Variants in TCF3 observed in about 807,000 individuals in gnomAD.
The protein encoded by TCF3 is transcription factor 3, also known as transcription factor E2-alpha.
TCF3 carries 54 observed loss-of-function variants against 72.3 expected under a neutral mutation model. The observed-to-expected ratio is 0.75, with a 90% CI of 0.60 to 0.94. TCF3 has a LOEUF of 0.94. Among genes scored for constraint, TCF3 ranks in the 40% least tolerant of loss-of-function variants. The pLI is 0.00. For synonymous variants in TCF3, 525 were observed against 412.6 expected, an observed-to-expected ratio of 1.27 and a Z score of -3.30; for missense variants, 1,078 against 934.4, an observed-to-expected ratio of 1.15 and a Z score of -2.00.
intron 3 of TCF3, among the ~76,000 whole-genome samples, chr19:1,643,257 G>A (rs1483720625): frequency 1.3e-5 from 2 of 152,214 alleles, no homozygotes; most frequent in South Asian, 2.1e-4. Context: ...GTCTGGCTCT[G>A]TCACCCAGGC....
At chr19:1,612,670 G>A (rs2145750449) in intron 18 of TCF3, among the ~76,000 whole-genome samples, 1 of 151,892 alleles carries the variant, frequency 6.6e-6, no homozygotes, top group African/African-American at 2.4e-5. Flanking sequence ...CAGCAGTGCA[G>A]GTACACGGCT....
At chr19:1,622,702 T>A (rs2062397178) in intron 8 of TCF3, among the ~76,000 whole-genome samples, 1 of 152,066 alleles carries the variant, frequency 6.6e-6, no homozygotes, top group Non-Finnish European at 1.5e-5. Context: ...TACTAAACCT[T>A]TTTCCTCCTT....
intron 2 of TCF3, 34 bp from the exon 3 acceptor site, chr19:1,646,461 G>C (rs1443401234): frequency 6.5e-7 from 1 of 1,540,276 alleles, no homozygotes. Context: ...TGAGCGGGGC[G>C]GGTGGCAAAC....
intron 16 of TCF3, among the ~76,000 whole-genome samples, chr19:1,616,283 G>A (rs981368744): frequency 1.3e-5 from 2 of 151,912 alleles, no homozygotes; most frequent in Admixed American, 6.6e-5. Flanking sequence ...GACCATCCTG[G>A]CTAACATGGT....
chr19:1,621,304 G>A (rs1430159170), intron 11 of TCF3, 113 bp from the exon 12 acceptor site: 6 of 1,286,482 alleles, frequency 4.7e-6, no homozygotes, highest in East Asian at 5.4e-5. Flanking sequence ...AGGGAGAGCA[G>A]CCTGACTCGG....
At chr19:1,651,404 TCCCC>T (rs2067021881) in intron 1 of TCF3, 2 of 227,166 alleles carry the variant, frequency 8.8e-6, no homozygotes. Context: ...GCGCAGCCCC[TCCCC>T]CGCTCAGTTT....
chr19:1,626,281 T>C (rs544511010), intron 6 of TCF3, among the ~76,000 whole-genome samples: 3 of 152,132 alleles, frequency 2.0e-5, no homozygotes, highest in South Asian at 4.1e-4. Flanking sequence ...AGAAACTCCG[T>C]CTCTACAAAG....
chr19:1,618,342 G>C (rs1205348130), intron 16 of TCF3, among the ~76,000 whole-genome samples: 6 of 152,054 alleles, frequency 3.9e-5, no homozygotes. Context: ...TGGTCTCCCG[G>C]TGCCACTCAT....
intron 8 of TCF3, 107 bp downstream of exon 8, chr19:1,623,844 C>G (rs1207455776): frequency 1.9e-5 from 22 of 1,130,888 alleles, no homozygotes; most frequent in Middle Eastern, 2.6e-4. Context: ...GGGGGCCTGT[C>G]CACTCAGGGC....
At position 1,619,328 on chromosome 19, in the gene TCF3, C is replaced by A. The variant is rs766514154; in HGVS notation, c.1314G>T (p.Arg438=). The A allele has an allele frequency of 1.3e-6, 2 of 1,574,564 alleles. No homozygotes were observed. Among genetic ancestry groups the A allele is most frequent in the Non-Finnish European group, 8.6e-7 (1 of 1,165,952 alleles). Residue 438 remains arginine (R), a synonymous_variant, in exon 15 of 19, where the codon CGG becomes CGT. Transcript: ENST00000262965. ...GCCCAGCGCTCACCAGGCCTGCGTGCCGCCCGCCCAGTGACATGGGGCCGG... is the reference window on the plus strand; with the variant it reads ...GCCCAGCGCTCACCAGGCCTGCGTGACGCCCGCCCAGTGACATGGGGCCGG... The part of the protein sequence containing the change: ...GFTGPMSLGG[R]HAGLVGGSHP...
chr19:1,619,759 T>TGGGGTGGGGC (rs761824274), intron 14 of TCF3, 21 bp downstream of exon 14: 91 of 484,074 alleles, frequency 1.9e-4, no homozygotes, highest in Non-Finnish European at 2.2e-4. Flanking sequence ...AAGGGTGGGG[T>TGGGGTGGGGC]GGGGCGGGGC....
chr19:1,638,375 G>C (rs1320054955), intron 3 of TCF3, among the ~76,000 whole-genome samples: 1 of 151,360 alleles, frequency 6.6e-6, no homozygotes, highest in Non-Finnish European at 1.5e-5. Context: ...TGTTTTTTTT[G>C]TTTGTTTGTT....
chr19:1,645,758 G>A (rs898667582), intron 3 of TCF3, among the ~76,000 whole-genome samples: 1 of 152,188 alleles, frequency 6.6e-6, no homozygotes, highest in African/African-American at 2.4e-5. Flanking sequence ...TGTGTCATCA[G>A]CGAGGGTGAC....
At chr19:1,619,949 C>T (rs1198119114) in intron 13 of TCF3, 96 bp from the exon 14 acceptor site, 2 of 1,129,750 alleles carry the variant, frequency 1.8e-6, no homozygotes, top group East Asian at 2.6e-5. Flanking sequence ...CCCCGCCTGT[C>T]CAGCCTCCGG....
chr19:1,621,669 G>A (rs530808048), intron 11 of TCF3, among the ~76,000 whole-genome samples, 169 bp downstream of exon 11: 2 of 152,296 alleles, frequency 1.3e-5, no homozygotes, highest in African/African-American at 4.8e-5. Context: ...CAAGCCCAAC[G>A]CACGTGGCAG....
At chr19:1,644,817 C>G (rs982521911) in intron 3 of TCF3, among the ~76,000 whole-genome samples, 3 of 152,050 alleles carry the variant, frequency 2.0e-5, no homozygotes, top group African/African-American at 7.2e-5. Context: ...CCACCCTCCC[C>G]ACCAGGCCCT....
At chr19:1,636,491 G>A (rs2064427867) in intron 3 of TCF3, among the ~76,000 whole-genome samples, 1 of 152,002 alleles carries the variant, frequency 6.6e-6, no homozygotes. Flanking sequence ...TAGAGATGGG[G>A]TCTCACTACA....
chr19:1,632,176 C>A, intron 4 of TCF3, 60 bp from the exon 5 acceptor site: 1 of 1,578,628 alleles, frequency 6.3e-7, no homozygotes, highest in East Asian at 2.3e-5. Flanking sequence ...CCCTCCACCC[C>A]GCATTACAGC....
At chr19:1,640,761 G>A (rs576843892) in intron 3 of TCF3, among the ~76,000 whole-genome samples, 73 of 151,286 alleles carry the variant, frequency 4.8e-4, no homozygotes, top group African/African-American at 1.7e-3. Context: ...CTGAGATCAC[G>A]CCACTGCACC....
Sources: allele counts gnomAD v4.1 joint callset (sites outside exome capture counted in the v4.1 genomes callset), GRCh38; gene constraint gnomAD v4.1.1; transcripts MANE v1.5; gene names NCBI Gene and HGNC (gene_info 2026-07-23, HGNC 2026-07-21).